HECW2: variants seen among roughly 807,000 people sequenced by gnomAD.
HECW2 encodes HECT, C2 and WW domain containing E3 ubiquitin protein ligase 2, also known as E3 ubiquitin-protein ligase HECW2.
Under a neutral mutation model 175.2 loss-of-function variants are expected in HECW2, and 61 were observed. That is an observed-to-expected ratio of 0.35 (90% CI 0.28 to 0.43). The LOEUF is 0.43. Ranked by LOEUF, HECW2 falls within the 20% of genes least tolerant of loss-of-function variation. The pLI, the probability that HECW2 is intolerant of heterozygous loss-of-function variation, is 1.00. For missense variants in HECW2, 1,524 were observed against 2,000.5 expected, an observed-to-expected ratio of 0.76 and a Z score of 4.54; for synonymous variants, 671 against 731.0, an observed-to-expected ratio of 0.92 and a Z score of 1.32.
chr2:196,481,349 A>G (rs1327051219), intron 1 of HECW2, among the ~76,000 whole-genome samples: 1 of 152,236 alleles, frequency 6.6e-6, no homozygotes, highest in Non-Finnish European at 1.5e-5. Flanking sequence ...AAAGAGATAC[A>G]GTTATGCTTG....
At chr2:196,410,945 G>T (rs1695092537) in intron 2 of HECW2, among the ~76,000 whole-genome samples, 1 of 152,090 alleles carries the variant, frequency 6.6e-6, no homozygotes, top group Non-Finnish European at 1.5e-5. Flanking sequence ...TGCAGATTCT[G>T]AGATCATAAT....
At chr2:196,309,685 A>G (rs536372594) in intron 10 of HECW2, among the ~76,000 whole-genome samples, 13 of 152,296 alleles carry the variant, frequency 8.5e-5, no homozygotes, top group African/African-American at 3.1e-4. Flanking sequence ...TCAAATACAC[A>G]TGAAAAGAAA....
chr2:196,226,798 A>G lies in HECW2; in HGVS notation c.3918-928T>C, dbSNP rs78095732. On this transcript the variant is annotated intron_variant, in intron 22 of 28. Transcript: ENST00000644978. The stretch of plus-strand genomic sequence containing the variant: ...CTCAAGACCCATTCCTGATATTTTC[A>G]CCATTCAAGAATTGTGCACATGGAC... Among the ~76,000 whole-genome samples, 555 of 152,278 alleles carry G rather than the reference A, an allele frequency of 3.6e-3. 2 individuals are homozygous for G. Among genetic ancestry groups the G allele is most frequent in the South Asian group, 4.4e-3 (21 of 4,824 alleles).
At chr2:196,436,069 G>C (rs995840542) in intron 1 of HECW2, among the ~76,000 whole-genome samples, 1 of 152,194 alleles carries the variant, frequency 6.6e-6, no homozygotes, top group African/African-American at 2.4e-5. Context: ...ATATCTCAGA[G>C]CCCAAGCTTT....
chr2:196,432,988 A>G lies in HECW2; in HGVS notation c.292+144T>C, dbSNP rs915263769. ...ACTGTTGAATCTCCTCCTCCCAAAG[A>G]AGAAAAAAAATAAATTCCCAGAATC... On this transcript the variant is annotated intron_variant, in intron 2 of 28. Transcript: ENST00000644978. 7.0e-6 allele frequency: 5 copies of G among 716,650 alleles called. No individual in the cohort carries two copies. The African/African-American group carries it at 8.9e-5, about 13-fold the overall frequency. The allele number at this position is 716,650 out of a possible 1,614,324, so 44.4% of individuals were successfully genotyped here.
intron 1 of HECW2, among the ~76,000 whole-genome samples, chr2:196,475,297 G>T (rs527302287): frequency 6.6e-6 from 1 of 151,284 alleles, no homozygotes; most frequent in Admixed American, 6.6e-5. Flanking sequence ...TAATGGTAGG[G>T]AAGGAGAAGG....
At chr2:196,202,023 T>C (rs1451239345) in intron 28 of HECW2, among the ~76,000 whole-genome samples, 1 of 152,222 alleles carries the variant, frequency 6.6e-6, no homozygotes, top group African/African-American at 2.4e-5. Context: ...TAAGTATTCT[T>C]TTTTAGAAAT....
intron 1 of HECW2, among the ~76,000 whole-genome samples, chr2:196,547,617 G>A (rs1054818148): frequency 6.6e-6 from 1 of 152,146 alleles, no homozygotes; most frequent in Non-Finnish European, 1.5e-5. Context: ...ATAGATTCAG[G>A]TGCCACCACA....
chr2:196,486,295 A>G (rs142932469), intron 1 of HECW2, among the ~76,000 whole-genome samples: 1 of 152,230 alleles, frequency 6.6e-6, no homozygotes. Flanking sequence ...GTATTTTCAC[A>G]GCTCTCCAGA....
intron 2 of HECW2, among the ~76,000 whole-genome samples, chr2:196,370,056 T>C (rs1484570913): frequency 6.6e-6 from 1 of 151,850 alleles, no homozygotes; most frequent in Non-Finnish European, 1.5e-5. Flanking sequence ...CAAAGTCCCC[T>C]TACTCTTCCC....
At chr2:196,504,999 C>T (rs1340988263) in intron 1 of HECW2, among the ~76,000 whole-genome samples, 2 of 152,088 alleles carry the variant, frequency 1.3e-5, no homozygotes, top group East Asian at 3.9e-4. Context: ...ACTATTAATA[C>T]AATGTTACTG....
At chr2:196,527,124 A>G (rs1688686184) in intron 1 of HECW2, among the ~76,000 whole-genome samples, 1 of 152,186 alleles carries the variant, frequency 6.6e-6, no homozygotes, top group Non-Finnish European at 1.5e-5. Flanking sequence ...GCTAGCAATC[A>G]GCGAGACTCC....
chr2:196,390,501 A>G (rs78749802), intron 2 of HECW2, among the ~76,000 whole-genome samples: 5,288 of 152,272 alleles, frequency 0.035, 131 homozygotes, highest in South Asian at 0.062. Context: ...TGGAAAACTA[A>G]ACACACTAGG....
At chr2:196,236,049 T>C (rs1688242200) in intron 21 of HECW2, among the ~76,000 whole-genome samples, 2 of 152,144 alleles carry the variant, frequency 1.3e-5, no homozygotes, top group Non-Finnish European at 2.9e-5. Context: ...TAAAATATAA[T>C]CACTGAAATG....
chr2:196,457,375 A>T (rs570625754), intron 1 of HECW2, among the ~76,000 whole-genome samples: 217 of 152,356 alleles, frequency 1.4e-3, no homozygotes, highest in African/African-American at 4.9e-3. Flanking sequence ...TGGAATTAGG[A>T]TGTAGATTTC....
At chr2:196,212,573 T>C (rs748807920) in intron 28 of HECW2, among the ~76,000 whole-genome samples, 31 of 152,210 alleles carry the variant, frequency 2.0e-4, no homozygotes, top group Non-Finnish European at 4.0e-4. Flanking sequence ...ATATGTACCA[T>C]ATTTTCTTTA....
chr2:196,213,830 C>T (rs6759514), intron 28 of HECW2, among the ~76,000 whole-genome samples: 15,833 of 152,124 alleles, frequency 0.1, 1,576 homozygotes, highest in African/African-American at 0.26. Context: ...AGCAACCCTT[C>T]GGTGTTACTT....
chr2:196,246,699 G>GT (rs1446688634), intron 19 of HECW2, among the ~76,000 whole-genome samples: 1 of 151,924 alleles, frequency 6.6e-6, no homozygotes, highest in Non-Finnish European at 1.5e-5. Flanking sequence ...CAAGAAACAT[G>GT]TTTTTTTAAG....
chr2:196,270,993 C>T (rs7598620), intron 17 of HECW2, among the ~76,000 whole-genome samples, 200 bp downstream of exon 17: 4,062 of 152,158 alleles, frequency 0.027, 178 homozygotes, highest in African/African-American at 0.093. Context: ...CGTGCCCGGC[C>T]GATTTTATTC....
Sources: allele counts gnomAD v4.1 joint callset (sites outside exome capture counted in the v4.1 genomes callset), GRCh38; gene constraint gnomAD v4.1.1; transcripts MANE v1.5; gene names NCBI Gene and HGNC (gene_info 2026-07-23, HGNC 2026-07-21).